Variants in RTN1 observed in about 807,000 individuals in gnomAD.
The protein encoded by RTN1 is reticulon-1.
A neutral mutation model predicts 65.5 loss-of-function variants in RTN1; 25 were observed. That is an observed-to-expected ratio of 0.38 (90% confidence interval 0.28 to 0.53). The LOEUF (loss-of-function observed/expected upper bound fraction) is 0.53, where lower values mean the gene tolerates loss of function less well. Among genes scored for constraint, RTN1 ranks in the 20% least tolerant of loss-of-function variants. The pLI, the probability that RTN1 is intolerant of heterozygous loss-of-function variation, is 0.79. For synonymous variants in RTN1, 471 were observed against 447.6 expected, an observed-to-expected ratio of 1.05 and a Z score of -0.66; for missense variants, 983 against 1,025.4, an observed-to-expected ratio of 0.96 and a Z score of 0.57.
Position 59,794,033 on chromosome 14 carries a change from G to A in RTN1, c.242-47552C>T, listed in dbSNP as rs766337353. Among the ~76,000 whole-genome samples the A allele has an allele frequency of 2.6e-5, 4 of 152,006 alleles. No homozygotes were observed. The highest frequency in any genetic ancestry group is 6.6e-5 in the Admixed American group (1 of 15,250). On this transcript the variant is annotated intron_variant, in intron 1 of 8. Transcript: ENST00000267484. This position sits in a 1 kb window ranked among gnomAD's most constrained non-coding sequence, Gnocchi z 5.1. ...TTACACTCCTCTCCCACTGAGTACC[G>A]GCCATGAATCTTGAGTTAGACTGAC...
At chr14:59,807,381 T>A (rs1406017725) in intron 1 of RTN1, among the ~76,000 whole-genome samples, 3 of 152,210 alleles carry the variant, frequency 2.0e-5, no homozygotes, top group Non-Finnish European at 4.4e-5. Flanking sequence ...GTAAAGGAAC[T>A]GCAGAGGAAA....
chr14:59,808,677 G>A (rs1886677865), intron 1 of RTN1, among the ~76,000 whole-genome samples: 1 of 152,172 alleles, frequency 6.6e-6, no homozygotes, highest in Non-Finnish European at 1.5e-5. Flanking sequence ...TGTTGGCAGT[G>A]GGGCTTGGTG....
intron 1 of RTN1, among the ~76,000 whole-genome samples, chr14:59,791,509 C>T (rs1188277253): frequency 6.6e-6 from 1 of 152,182 alleles, no homozygotes. Flanking sequence ...TATCCCAGCT[C>T]AGGGTAAAAC....
At chr14:59,666,748 T>C (rs1883384077) in intron 3 of RTN1, among the ~76,000 whole-genome samples, 1 of 151,776 alleles carries the variant, frequency 6.6e-6, no homozygotes, top group Admixed American at 6.6e-5. Context: ...CAATAAAAAA[T>C]GATAAAGGGG....
intron 3 of RTN1, among the ~76,000 whole-genome samples, chr14:59,667,754 C>T (rs1883411520): frequency 6.6e-6 from 1 of 152,176 alleles, no homozygotes; most frequent in Admixed American, 6.5e-5. Flanking sequence ...TAAGTAACTT[C>T]AGCAAAGTCT....
intron 1 of RTN1, among the ~76,000 whole-genome samples, chr14:59,810,536 C>T (rs142904903): frequency 6.6e-6 from 1 of 152,152 alleles, no homozygotes; most frequent in African/African-American, 2.4e-5. Flanking sequence ...ATCTAAGACT[C>T]TTCACATTTT....
At chr14:59,847,906 C>T (rs1386149210) in intron 1 of RTN1, among the ~76,000 whole-genome samples, 1 of 152,230 alleles carries the variant, frequency 6.6e-6, no homozygotes, top group Non-Finnish European at 1.5e-5. Flanking sequence ...AGGAAGTGGG[C>T]TCAGGGCCCG....
chr14:59,773,690 G>A (rs1210670043), intron 1 of RTN1, among the ~76,000 whole-genome samples: 3 of 152,118 alleles, frequency 2.0e-5, no homozygotes, highest in Non-Finnish European at 2.9e-5. Context: ...ATGGGGGAAA[G>A]AGCATGATGT....
intron 3 of RTN1, among the ~76,000 whole-genome samples, chr14:59,692,177 A>G (rs1220217323): frequency 6.6e-6 from 1 of 152,224 alleles, no homozygotes; most frequent in Non-Finnish European, 1.5e-5. Context: ...CATACCTAGA[A>G]AACCCTAAAG....
chr14:59,767,955 A>G (rs763046118), intron 1 of RTN1, among the ~76,000 whole-genome samples: 14 of 152,226 alleles, frequency 9.2e-5, no homozygotes, highest in Admixed American at 3.3e-4. Flanking sequence ...CGTACTGAAC[A>G]CTGGTTTACC....
intron 3 of RTN1, among the ~76,000 whole-genome samples, chr14:59,720,486 C>T (rs1267553575): frequency 6.6e-6 from 1 of 152,072 alleles, no homozygotes; most frequent in Admixed American, 6.6e-5. Flanking sequence ...TTTTGAGAGG[C>T]CAAGGCAGGC....
intron 3 of RTN1, among the ~76,000 whole-genome samples, chr14:59,637,912 C>T (rs369872622): frequency 2.8e-4 from 42 of 151,520 alleles, no homozygotes; most frequent in Non-Finnish European, 2.9e-5. Context: ...AGTGCAGTGG[C>T]GCGATCTCGG....
intron 1 of RTN1, among the ~76,000 whole-genome samples, chr14:59,807,432 G>GC (rs1232555246): frequency 6.6e-6 from 1 of 152,132 alleles, no homozygotes; most frequent in African/African-American, 2.4e-5. Flanking sequence ...AATCCATAAT[G>GC]CCCCACAAAA....
intron 4 of RTN1, among the ~76,000 whole-genome samples, chr14:59,606,372 C>G (rs1014627664): frequency 2.0e-5 from 3 of 151,986 alleles, no homozygotes; most frequent in African/African-American, 7.3e-5. Flanking sequence ...ATGTTGAAAT[C>G]TTAACCCCCT....
intron 1 of RTN1, among the ~76,000 whole-genome samples, chr14:59,765,580 A>G (rs1885834302): frequency 1.3e-5 from 2 of 152,226 alleles, no homozygotes; most frequent in African/African-American, 4.8e-5. Flanking sequence ...TAAACAAGCT[A>G]GTATGTGAAT....
At chr14:59,724,861 C>T (rs1884725136) in intron 3 of RTN1, among the ~76,000 whole-genome samples, 1 of 152,180 alleles carries the variant, frequency 6.6e-6, no homozygotes, top group Admixed American at 6.5e-5. Context: ...CTGCTCAGGA[C>T]CTCCAGTTCT....
At chr14:59,863,531 C>T (rs1204280875) in intron 1 of RTN1, among the ~76,000 whole-genome samples, 1 of 152,140 alleles carries the variant, frequency 6.6e-6, no homozygotes, top group Admixed American at 6.5e-5. Context: ...CTTCGTCGCC[C>T]ACTTTTACTC....
intron 3 of RTN1, among the ~76,000 whole-genome samples, chr14:59,691,006 C>G (rs1883949470): frequency 6.6e-6 from 1 of 152,022 alleles, no homozygotes; most frequent in South Asian, 2.1e-4. Context: ...ACTTAACAAT[C>G]TAATATCCCA....
chr14:59,672,688 C>T (rs894098083), intron 3 of RTN1, among the ~76,000 whole-genome samples: 1 of 126,014 alleles, frequency 7.9e-6, no homozygotes, highest in Non-Finnish European at 1.6e-5. Flanking sequence ...GGCCGGACTG[C>T]GGACTGCAGT....
Sources: allele counts gnomAD v4.1 joint callset (sites outside exome capture counted in the v4.1 genomes callset), GRCh38; gene constraint gnomAD v4.1.1; non-coding constraint Gnocchi (gnomAD v3.1); transcripts MANE v1.5; gene names NCBI Gene and HGNC (gene_info 2026-07-23, HGNC 2026-07-21).